Variants in ZNF423 observed in about 807,000 individuals in gnomAD.
The protein encoded by ZNF423 is zinc finger protein 423.
In ZNF423, 12 loss-of-function variants were observed where a neutral mutation model predicts 95.8. The ratio of observed to expected loss-of-function variants is 0.13; its 90% CI spans 0.08 to 0.20. The LOEUF (loss-of-function observed/expected upper bound fraction) is 0.20, where lower values mean the gene tolerates loss of function less well. Ranked by LOEUF, ZNF423 falls within the 10% of genes least tolerant of loss-of-function variation. The pLI is 1.00. For synonymous variants in ZNF423, 749 were observed against 711.9 expected, an observed-to-expected ratio of 1.05 and a Z score of -0.83; for missense variants, 1,316 against 1,737.1, an observed-to-expected ratio of 0.76 and a Z score of 4.31.
intron 7 of ZNF423, among the ~76,000 whole-genome samples, chr16:49,522,930 C>T (rs912331002): frequency 5.3e-5 from 8 of 152,146 alleles, no homozygotes; most frequent in Admixed American, 3.9e-4. Flanking sequence ...TTCACTTGGG[C>T]ACAGATCTTG....
chr16:49,617,167 C>T (rs1356841170), intron 5 of ZNF423, among the ~76,000 whole-genome samples: 1 of 152,150 alleles, frequency 6.6e-6, no homozygotes, highest in Non-Finnish European at 1.5e-5. Context: ...CTGGCCATAA[C>T]GATTGGCTCA....
intron 5 of ZNF423, among the ~76,000 whole-genome samples, chr16:49,553,936 G>T (rs967430403): frequency 2.6e-5 from 4 of 152,126 alleles, no homozygotes; most frequent in Non-Finnish European, 2.9e-5. Context: ...AAACAAATTT[G>T]CCAAGTTAGC....
intron 3 of ZNF423, among the ~76,000 whole-genome samples, chr16:49,698,545 C>G (rs1486114464): frequency 3.3e-5 from 5 of 152,382 alleles, no homozygotes; most frequent in African/African-American, 1.2e-4. Context: ...TGGGCTCCTT[C>G]TGGGCTCTTA....
intron 1 of ZNF423, among the ~76,000 whole-genome samples, chr16:49,797,399 T>A (rs1567347832): frequency 6.6e-6 from 1 of 152,188 alleles, no homozygotes; most frequent in Non-Finnish European, 1.5e-5. Context: ...GGGGTGCCCA[T>A]TCCTTTGCAC....
chr16:49,631,290 T>C (rs190900924), intron 4 of ZNF423, among the ~76,000 whole-genome samples: 8 of 152,250 alleles, frequency 5.3e-5, no homozygotes, highest in Non-Finnish European at 1.0e-4. Flanking sequence ...TGTAGACTCA[T>C]AAGTGCTCAC....
At chr16:49,672,749 C>T (rs998879048) in intron 3 of ZNF423, among the ~76,000 whole-genome samples, 7 of 152,086 alleles carry the variant, frequency 4.6e-5, no homozygotes, top group Non-Finnish European at 1.0e-4. Flanking sequence ...CCCCAGGCAA[C>T]GGAGGTTGCA....
intron 1 of ZNF423, among the ~76,000 whole-genome samples, chr16:49,845,184 G>A (rs1384998199): frequency 6.6e-6 from 1 of 151,790 alleles, no homozygotes; most frequent in Non-Finnish European, 1.5e-5. Context: ...CTGTCACCCA[G>A]GCTGGAGTGC....
In ZNF423 at chr16:49,655,480, A is replaced by T. The variant is rs146510189; in HGVS notation, c.302-16606T>A. 6.3e-3 allele frequency among the ~76,000 whole-genome samples: 966 copies of T among 152,286 alleles called. 7 individuals carry two copies. Among genetic ancestry groups the T allele is most frequent in the African/African-American group, 0.022 (915 of 41,562 alleles). The stretch of plus-strand genomic sequence containing the variant: ...CGACCCAGGGCTCTCAACAGCCAAG[A>T]TCAGGTGCCCCTGCAGGAGAAAACC... On this transcript the variant is annotated intron_variant, in intron 3 of 7. Coordinates refer to ENST00000563137, the MANE Select transcript of ZNF423 (RefSeq NM_001379286.1).
intron 2 of ZNF423, among the ~76,000 whole-genome samples, chr16:49,761,077 C>G (rs890619477): frequency 6.6e-6 from 1 of 152,166 alleles, no homozygotes; most frequent in African/African-American, 2.4e-5. Context: ...TGCACACACA[C>G]ACCCTCTGAG....
intron 1 of ZNF423, among the ~76,000 whole-genome samples, chr16:49,847,889 G>C (rs952104209): frequency 6.6e-6 from 1 of 152,126 alleles, no homozygotes; most frequent in African/African-American, 2.4e-5. Flanking sequence ...TTGGGAGGTC[G>C]AGGCAGGAGG....
Position 49,636,142 on chromosome 16 carries a change from T to C in ZNF423, c.3034A>G (p.Ile1012Val), listed in dbSNP as rs550871119. The C allele has an allele frequency of 2.5e-6, 4 of 1,613,804 alleles. No homozygotes were observed. In the South Asian group the frequency reaches 4.4e-5, roughly 18 times the overall value. ...TCAGGGTGCATCTGGCAGTGCTCAA[T>C]AAACTCCTCCTCGCTCTGCAGGGGC... ...KMPLQSEEEF[I>V]EHCQMHPDLR... Residue 1012 changes from isoleucine (I) to valine (V), a missense_variant, in exon 4 of 8, where the codon ATT (isoleucine) becomes GTT (valine). By Grantham distance (29) the Ile-to-Val change is conservative (BLOSUM62 3). This residue lies in a region of ZNF423 where 620 missense variants were observed against 775.6 expected (regional missense o/e 0.80). Coordinates refer to ENST00000563137, the MANE Select transcript of ZNF423 (RefSeq NM_001379286.1). This position sits in a 1 kb window ranked among gnomAD's most constrained non-coding sequence, Gnocchi z 8.6.
intron 3 of ZNF423, among the ~76,000 whole-genome samples, chr16:49,649,671 G>GGAGAGA (rs71134598): frequency 4.9e-4 from 73 of 148,174 alleles, no homozygotes; most frequent in African/African-American, 1.4e-3. Context: ...ACACACACAG[G>GGAGAGA]GAGAGAGAGA....
intron 5 of ZNF423, among the ~76,000 whole-genome samples, chr16:49,625,950 T>C (rs1972246570): frequency 6.6e-6 from 1 of 152,162 alleles, no homozygotes; most frequent in South Asian, 2.1e-4. Context: ...TGGAAGAGAT[T>C]GTCAAAAGTT....
intron 3 of ZNF423, among the ~76,000 whole-genome samples, chr16:49,652,539 G>A (rs925847110): frequency 2.1e-4 from 32 of 152,160 alleles, no homozygotes; most frequent in Non-Finnish European, 3.1e-4. Context: ...GCCTCCTGGC[G>A]TGGACCTCCT....
chr16:49,704,703 A>G (rs1458458547), intron 3 of ZNF423, among the ~76,000 whole-genome samples: 2 of 152,176 alleles, frequency 1.3e-5, no homozygotes, highest in Non-Finnish European at 2.9e-5. Flanking sequence ...CACACAGAGG[A>G]CAGAATTCCA....
intron 3 of ZNF423, among the ~76,000 whole-genome samples, chr16:49,705,615 T>G (rs1482715536): frequency 6.6e-6 from 1 of 152,214 alleles, no homozygotes; most frequent in Non-Finnish European, 1.5e-5. Flanking sequence ...TGGTGCGATC[T>G]AGGCTCACTG....
chr16:49,589,197 G>A (rs1970932176), intron 5 of ZNF423, among the ~76,000 whole-genome samples: 1 of 152,200 alleles, frequency 6.6e-6, no homozygotes, highest in Non-Finnish European at 1.5e-5. Flanking sequence ...CCATCACAAA[G>A]GGGAAAACCC....
chr16:49,686,010 T>C (rs764010174), intron 3 of ZNF423, among the ~76,000 whole-genome samples: 6 of 152,228 alleles, frequency 3.9e-5, no homozygotes, highest in Non-Finnish European at 5.9e-5. Context: ...TCGTTTCCAG[T>C]GTCCATTCTT....
At chr16:49,518,753 C>T (rs1335644622) in intron 7 of ZNF423, among the ~76,000 whole-genome samples, 6 of 152,162 alleles carry the variant, frequency 3.9e-5, no homozygotes, top group Non-Finnish European at 8.8e-5. Context: ...TGTCATGTGA[C>T]ATTTGAGATT....
Sources: gnomAD v4.1 joint callset for allele counts (sites outside exome capture counted in the v4.1 genomes callset) on GRCh38, gnomAD v4.1.1 for gene constraint, gnomAD v4.1.1 regional missense constraint, Gnocchi (gnomAD v3.1) non-coding constraint, MANE v1.5 for transcripts, NCBI Gene and HGNC (gene_info 2026-07-23, HGNC 2026-07-21) for gene names.